The following CDH12 variants were observed in gnomAD, a reference collection of about 807,000 sequenced individuals.
The protein encoded by CDH12 is cadherin 12.
CDH12 carries 41 observed loss-of-function variants against 74.1 expected under a neutral mutation model. That is an observed-to-expected ratio of 0.55 (90% CI 0.43 to 0.72). The LOEUF (loss-of-function observed/expected upper bound fraction) is 0.72. Among genes scored for constraint, CDH12 ranks in the 30% least tolerant of loss-of-function variants. The pLI, the probability that CDH12 is intolerant of heterozygous loss-of-function variation, is 0.00. For synonymous variants in CDH12, 399 were observed against 355.0 expected (o/e 1.12, Z -1.39); for missense variants, 945 against 977.2 (o/e 0.97, Z 0.44).
chr5:22,295,939 C>T (rs966378927), intron 3 of CDH12, among the ~76,000 whole-genome samples: 5 of 151,878 alleles, frequency 3.3e-5, no homozygotes, highest in Non-Finnish European at 5.9e-5. Context: ...ATAAAAATCG[C>T]ATCATTTCTA....
chr5:21,904,545 G>A (rs528245381), intron 6 of CDH12, among the ~76,000 whole-genome samples: 99 of 152,174 alleles, frequency 6.5e-4, no homozygotes, highest in African/African-American at 2.4e-3. Context: ...TGGATGAGAG[G>A]ATCACTTGAG....
rs559637766 is a variant in CDH12, at chr5:21,754,647, C to T, written c.1885+944G>A. ...TACCATATAACGCGTTACTCCGTGC[C>T]TTTCATCTCACTAATTATTTTTTTT... On this transcript the variant is annotated intron_variant, in intron 14 of 14. Coordinates refer to ENST00000382254, the MANE Select transcript of CDH12 (RefSeq NM_004061.5). Among the ~76,000 whole-genome samples, 5 of 152,150 alleles carry T rather than the reference C, an allele frequency of 3.3e-5. No individual in the cohort carries two copies. In the South Asian group the frequency reaches 8.3e-4, roughly 25 times the overall value.
intron 3 of CDH12, among the ~76,000 whole-genome samples, chr5:22,240,749 G>T (rs1752720146): frequency 6.6e-6 from 1 of 152,074 alleles, no homozygotes; most frequent in Non-Finnish European, 1.5e-5. Flanking sequence ...GACCAGGCTG[G>T]TCTCAAACTC....
At chr5:22,630,514 A>G (rs1399294169) in intron 1 of CDH12, among the ~76,000 whole-genome samples, 2 of 152,100 alleles carry the variant, frequency 1.3e-5, no homozygotes, top group African/African-American at 4.8e-5. Context: ...TCTGATCTTC[A>G]ACGGTTGGCC....
intron 4 of CDH12, among the ~76,000 whole-genome samples, chr5:22,165,505 C>CAT (rs1197176948): frequency 4.8e-3 from 31 of 6,416 alleles, no homozygotes; most frequent in Non-Finnish European, 0.03. Flanking sequence ...TACACATACA[C>CAT]ACACACATAC....
At chr5:22,692,021 C>A (rs893996880) in intron 1 of CDH12, among the ~76,000 whole-genome samples, 1 of 152,196 alleles carries the variant, frequency 6.6e-6, no homozygotes, top group Non-Finnish European at 1.5e-5. Flanking sequence ...ATGTTGCAAT[C>A]TGATCCCCAA....
At chr5:22,557,670 C>G (rs560626256) in intron 1 of CDH12, among the ~76,000 whole-genome samples, 25 of 151,972 alleles carry the variant, frequency 1.6e-4, no homozygotes, top group Non-Finnish European at 5.9e-5. Context: ...CAAATTTGAA[C>G]AGCCATTATT....
intron 1 of CDH12, among the ~76,000 whole-genome samples, chr5:22,724,054 A>C (rs1412859075): frequency 1.3e-5 from 2 of 151,746 alleles, no homozygotes; most frequent in African/African-American, 4.8e-5. Context: ...TCTTAGCGTC[A>C]CATAGGTAGC....
chr5:22,827,994 C>T (rs571913468), intron 1 of CDH12, among the ~76,000 whole-genome samples: 4 of 152,182 alleles, frequency 2.6e-5, no homozygotes, highest in African/African-American at 9.6e-5. Flanking sequence ...ATAATATGGG[C>T]ATTTGTTCTA....
chr5:22,370,818 A>T (rs147563058), intron 3 of CDH12, among the ~76,000 whole-genome samples: 30 of 152,232 alleles, frequency 2.0e-4, no homozygotes, highest in East Asian at 7.8e-4. Flanking sequence ...AGATAACCTG[A>T]CCTGTTCTGC....
intron 3 of CDH12, among the ~76,000 whole-genome samples, chr5:22,257,848 T>G (rs1416134070): frequency 6.6e-6 from 1 of 152,052 alleles, no homozygotes; most frequent in Non-Finnish European, 1.5e-5. Flanking sequence ...CCTTGAACAG[T>G]AGGATATAAA....
intron 3 of CDH12, among the ~76,000 whole-genome samples, chr5:22,356,916 A>T (rs990811593): frequency 6.6e-6 from 1 of 152,154 alleles, no homozygotes; most frequent in Non-Finnish European, 1.5e-5. Context: ...AATAATTTTT[A>T]AAAGTACAGC....
intron 6 of CDH12, among the ~76,000 whole-genome samples, chr5:21,968,671 A>G (rs187742445): frequency 2.0e-5 from 3 of 152,246 alleles, no homozygotes; most frequent in Admixed American, 2.0e-4. Flanking sequence ...AGGAATGTCT[A>G]GAGATATTAT....
At chr5:21,754,504 TTGCTC>T (rs1182002831) in intron 14 of CDH12, among the ~76,000 whole-genome samples, 1 of 152,160 alleles carries the variant, frequency 6.6e-6, no homozygotes, top group African/African-American at 2.4e-5. Flanking sequence ...AAAGAATACT[TTGCTC>T]TGCACACCAA....
At chr5:22,663,257 A>G (rs1238018251) in intron 1 of CDH12, among the ~76,000 whole-genome samples, 1 of 152,172 alleles carries the variant, frequency 6.6e-6, no homozygotes, top group Non-Finnish European at 1.5e-5. Flanking sequence ...TATTCCAGAT[A>G]CCTTTTATCT....
intron 7 of CDH12, among the ~76,000 whole-genome samples, chr5:21,846,877 C>CA (rs1561238048): frequency 6.6e-6 from 1 of 152,070 alleles, no homozygotes; most frequent in Non-Finnish European, 1.5e-5. Flanking sequence ...CAGCATATGA[C>CA]AAAAAAATTT....
intron 3 of CDH12, among the ~76,000 whole-genome samples, chr5:22,389,329 T>G (rs538260803): frequency 6.6e-6 from 1 of 152,280 alleles, no homozygotes; most frequent in African/African-American, 2.4e-5. Context: ...TAAAAAGACC[T>G]TATGGGATAA....
intron 1 of CDH12, among the ~76,000 whole-genome samples, chr5:22,654,440 C>A (rs1365566833): frequency 6.6e-6 from 1 of 151,874 alleles, no homozygotes; most frequent in African/African-American, 2.4e-5. Context: ...CAGGCACCTG[C>A]CTCCACCGCC....
At chr5:22,610,752 T>C (rs1170372756) in intron 1 of CDH12, among the ~76,000 whole-genome samples, 1 of 152,116 alleles carries the variant, frequency 6.6e-6, no homozygotes, top group East Asian at 1.9e-4. Context: ...ATATCAAATA[T>C]ACATTTATTA....
Sources: gnomAD v4.1 joint callset for allele counts (sites outside exome capture counted in the v4.1 genomes callset) on GRCh38, gnomAD v4.1.1 for gene constraint, MANE v1.5 for transcripts, NCBI Gene and HGNC (gene_info 2026-07-23, HGNC 2026-07-21) for gene names.